The following PCDHGB1 variants were observed in gnomAD, a reference collection of about 807,000 sequenced individuals.
The protein encoded by PCDHGB1 is protocadherin gamma subfamily B, 1.
In PCDHGB1, 34 loss-of-function variants were observed where a neutral mutation model predicts 56.6. The observed-to-expected ratio is 0.60, with a 90% CI of 0.46 to 0.80. PCDHGB1 has a LOEUF of 0.80. Ranked by LOEUF, PCDHGB1 falls within the 30% of genes least tolerant of loss-of-function variation. The pLI is 0.00. For missense variants in PCDHGB1, 1,278 were observed against 1,204.6 expected, an observed-to-expected ratio of 1.06 and a Z score of -0.90; for synonymous variants, 561 against 505.9, an observed-to-expected ratio of 1.11 and a Z score of -1.46.
Position 141,491,482 on chromosome 5 carries a change from A to G in PCDHGB1, c.2410-3325A>G. On this transcript the variant is annotated intron_variant, in intron 1 of 3. Coordinates refer to ENST00000523390, the MANE Select transcript of PCDHGB1 (RefSeq NM_018922.3). The surrounding 1 kb of genome is among the most constrained non-coding windows in gnomAD (Gnocchi z 6.9). Reference sequence around the variant, plus strand: ...GGACTTCTATAAGCAGTCCAGCCCCAACCTGCAGGTGAGCTCGGACGGCAC... The same window carrying G: ...GGACTTCTATAAGCAGTCCAGCCCCGACCTGCAGGTGAGCTCGGACGGCAC... 1 of 1,614,088 alleles carries G rather than the reference A, an allele frequency of 6.2e-7. No individual in the cohort carries two copies. The highest frequency in any genetic ancestry group is 8.5e-7 in the Non-Finnish European group (1 of 1,180,006).
At position 141,399,661 on chromosome 5, in the gene PCDHGB1, G is replaced by T. The variant is rs1021211609; in HGVS notation, c.2409+46992G>T. The T allele has an allele frequency of 6.8e-6, 11 of 1,613,526 alleles. No individual in the cohort carries two copies. Among genetic ancestry groups the T allele is most frequent in the Non-Finnish European group, 9.3e-6 (11 of 1,179,892 alleles). ...GAGCGCGCAAAGTGGGGTGGTGTTC[G>T]CGCAGCGCGCCTTTGACTACGAGCA... On this transcript the variant is annotated intron_variant, in intron 1 of 3. Transcript: ENST00000523390.
chr5:141,482,086 T>C (rs1435200188), intron 1 of PCDHGB1, among the ~76,000 whole-genome samples: 6 of 93,070 alleles, frequency 6.4e-5, no homozygotes, highest in African/African-American at 3.7e-4. Flanking sequence ...ACTCACTCCA[T>C]CTCAAAAAAA....
rs767003818 is a variant in PCDHGB1, at chr5:141,361,414, G to A, written c.2409+8745G>A. ...CAATCTCACCATCACAGCCACCGAC[G>A]GGGGCAAGCCGCCCCTCTCCTCCAG... is the stretch of plus-strand genomic sequence containing the variant. On this transcript the variant is annotated intron_variant, in intron 1 of 3. Coordinates refer to ENST00000523390, the MANE Select transcript of PCDHGB1 (RefSeq NM_018922.3). The A allele has an allele frequency of 2.4e-5, 38 of 1,613,876 alleles. No individual in the cohort carries two copies. Among genetic ancestry groups the A allele is most frequent in the Admixed American group, 1.0e-4 (6 of 60,004 alleles).
intron 1 of PCDHGB1, chr5:141,413,467 G>T: frequency 6.2e-7 from 1 of 1,614,136 alleles, no homozygotes; most frequent in Non-Finnish European, 8.5e-7. Context: ...AGACCGGGAG[G>T]AGCTCTGCGC....
intron 1 of PCDHGB1, among the ~76,000 whole-genome samples, chr5:141,358,752 C>T (rs1761009011): frequency 6.6e-6 from 1 of 152,170 alleles, no homozygotes. Context: ...TTTCTCTTGT[C>T]ATCATGTGAG....
intron 1 of PCDHGB1, chr5:141,392,852 G>C: frequency 6.2e-7 from 1 of 1,611,984 alleles, no homozygotes; most frequent in East Asian, 2.2e-5. Flanking sequence ...GCGGCGAGCT[G>C]ATCCTGCTGT....
chr5:141,483,648 T>TTG (rs111458813), intron 1 of PCDHGB1, among the ~76,000 whole-genome samples: 1,883 of 149,700 alleles, frequency 0.013, 19 homozygotes, highest in African/African-American at 0.023. Flanking sequence ...GGGTGTGTGT[T>TTG]TGTGTGTGTG....
chr5:141,385,573 C>T lies in PCDHGB1; in HGVS notation c.2409+32904C>T, dbSNP rs576834153. 10 of 1,295,026 alleles carry T rather than the reference C, an allele frequency of 7.7e-6. No individual in the cohort carries two copies. In the East Asian group the frequency reaches 2.7e-4, roughly 35 times the overall value. The allele number at this position is 1,295,026 out of a possible 1,614,324, so 80.2% of individuals were successfully genotyped here. On this transcript the variant is annotated intron_variant, in intron 1 of 3. Coordinates refer to ENST00000523390, the MANE Select transcript of PCDHGB1 (RefSeq NM_018922.3). Reference sequence around the variant, plus strand: ...ACATTTTATAATTTCCACCTACTTTCCAATCTATGTTCCAACCTACTTTCT... The same window carrying T: ...ACATTTTATAATTTCCACCTACTTTTCAATCTATGTTCCAACCTACTTTCT...
chr5:141,415,863 G>A, intron 1 of PCDHGB1: 4 of 1,107,154 alleles, frequency 3.6e-6, no homozygotes, highest in Non-Finnish European at 4.7e-6. Flanking sequence ...GTAGTTTATA[G>A]TGTTGTTGAG....
At chr5:141,360,610 G>T (rs1761672138) in intron 1 of PCDHGB1, 1 of 1,614,000 alleles carries the variant, frequency 6.2e-7, no homozygotes, top group Non-Finnish European at 8.5e-7. Flanking sequence ...CCCAGCCCTG[G>T]ATTCAGATGT....
At chr5:141,375,619 G>C in intron 1 of PCDHGB1, 1 of 1,614,216 alleles carries the variant, frequency 6.2e-7, no homozygotes, top group Non-Finnish European at 8.5e-7. Flanking sequence ...CCGACACTGG[G>C]ATTCTGTACG....
chr5:141,450,815 A>AT (rs1554136868), intron 1 of PCDHGB1, among the ~76,000 whole-genome samples: 4,329 of 126,688 alleles, frequency 0.034, 70 homozygotes, highest in Middle Eastern at 0.091. Flanking sequence ...TATTTATTTA[A>AT]TATTATTATT....
At chr5:141,412,195 C>T (rs1326751515) in intron 1 of PCDHGB1, 2 of 152,208 alleles carry the variant, frequency 1.3e-5, no homozygotes, top group African/African-American at 4.8e-5. Context: ...CTGATGAAAA[C>T]AGGTCATTTG....
At chr5:141,400,551 T>G in intron 1 of PCDHGB1, 1 of 1,613,726 alleles carries the variant, frequency 6.2e-7, no homozygotes, top group Non-Finnish European at 8.5e-7. Context: ...TCTATTCTTT[T>G]TCATTACCCA....
At position 141,486,821 on chromosome 5, in the gene PCDHGB1, A is replaced by T. The variant is rs756652952; in HGVS notation, c.2410-7986A>T. On this transcript the variant is annotated intron_variant, in intron 1 of 3. Transcript: ENST00000523390. The surrounding 1 kb of genome is among the most constrained non-coding windows in gnomAD (Gnocchi z 5.0). ...CAACCCACCCCTTAGCAGCACTGTA[A>T]CAGTTCGTCTATTTGTGCTGGACCT... 36 of 1,614,116 alleles carry T rather than the reference A, an allele frequency of 2.2e-5. No individual in the cohort carries two copies. In the South Asian group the frequency reaches 3.4e-4, roughly 15 times the overall value.
At chr5:141,394,285 T>C (rs1463926417) in intron 1 of PCDHGB1, 2 of 1,613,942 alleles carry the variant, frequency 1.2e-6, no homozygotes, top group Admixed American at 1.7e-5. Context: ...ACTTACTCTG[T>C]GACCGAGGAC....
At chr5:141,394,282 C>G (rs375429182) in intron 1 of PCDHGB1, 11 of 1,613,864 alleles carry the variant, frequency 6.8e-6, no homozygotes, top group Non-Finnish European at 8.5e-6. Flanking sequence ...GTCACTTACT[C>G]TGTGACCGAG....
At chr5:141,433,655 G>T (rs1227358856) in intron 1 of PCDHGB1, among the ~76,000 whole-genome samples, 2 of 152,036 alleles carry the variant, frequency 1.3e-5, no homozygotes, top group Non-Finnish European at 1.5e-5. Flanking sequence ...GACCAACATG[G>T]AGAAACCCCG....
In PCDHGB1 at chr5:141,431,544, T is replaced by C. The variant is rs1409551731; in HGVS notation, c.2410-63263T>C. 1.2e-6 allele frequency: 2 copies of C among 1,614,152 alleles called. No individual in the cohort carries two copies. The highest frequency in any genetic ancestry group is 2.2e-5 in the South Asian group (2 of 91,092). ...AATCTGGCCTTGGGCACGCAGCTGC[T>C]TGTAGTCAACGCTACCGACCCTGAC... On this transcript the variant is annotated intron_variant, in intron 1 of 3. Coordinates refer to ENST00000523390, the MANE Select transcript of PCDHGB1 (RefSeq NM_018922.3). The surrounding 1 kb of genome is among the most constrained non-coding windows in gnomAD (Gnocchi z 4.8).
Sources: gnomAD v4.1 joint callset for allele counts (sites outside exome capture counted in the v4.1 genomes callset) on GRCh38, gnomAD v4.1.1 for gene constraint, Gnocchi (gnomAD v3.1) non-coding constraint, MANE v1.5 for transcripts, NCBI Gene and HGNC (gene_info 2026-07-23, HGNC 2026-07-21) for gene names.